SDHAF4: variants seen among roughly 807,000 people sequenced by gnomAD.
SDHAF4 encodes succinate dehydrogenase assembly factor 4, mitochondrial.
SDHAF4 carries 14 observed loss-of-function variants against 14.3 expected under a neutral mutation model. The ratio of observed to expected loss-of-function variants is 0.98; its 90% CI spans 0.65 to 1.53. The LOEUF is 1.53. Among genes scored for constraint, SDHAF4 ranks in the 40% most tolerant of loss-of-function variants. The pLI is 0.00. For synonymous variants in SDHAF4, 63 were observed against 47.3 expected, an observed-to-expected ratio of 1.33 and a Z score of -1.36; for missense variants, 141 against 129.3, an observed-to-expected ratio of 1.09 and a Z score of -0.44.
chr6:70,588,863 T>G lies in SDHAF4; in HGVS notation c.*139T>G. 4.2e-6 allele frequency: 1 copy of G among 235,824 alleles called. No individual in the cohort carries two copies. 14.6% of individuals were successfully genotyped at this position (235,824 alleles called of 1,614,324 possible). ...TTTAAATATATATATATATGATGGCTTTGGAAGAAAATATGCTGCTGTAAA... is the reference window on the plus strand; with the variant it reads ...TTTAAATATATATATATATGATGGCGTTGGAAGAAAATATGCTGCTGTAAA... On this transcript the variant is annotated 3_prime_UTR_variant, in exon 3 of 3. Coordinates refer to ENST00000370474, the MANE Select transcript of SDHAF4 (RefSeq NM_145267.3).
intron 1 of SDHAF4, among the ~76,000 whole-genome samples, chr6:70,578,380 GA>G (rs151250576): frequency 0.013 from 1,934 of 152,262 alleles, 32 homozygotes; most frequent in African/African-American, 0.044. Flanking sequence ...CTTCTTTTGA[GA>G]AGTGTCTCTT....
chr6:70,576,378 A>G (rs943004131), intron 1 of SDHAF4, among the ~76,000 whole-genome samples: 6 of 152,232 alleles, frequency 3.9e-5, no homozygotes, highest in African/African-American at 4.8e-5. Context: ...AAAGTCCTTC[A>G]GAAGTCTGCA....
chr6:70,573,777 C>T (rs1004824626), intron 1 of SDHAF4, among the ~76,000 whole-genome samples: 2 of 149,698 alleles, frequency 1.3e-5, no homozygotes, highest in East Asian at 4.1e-4. Context: ...CTGGTTCAAG[C>T]GATTGTCTTG....
chr6:70,586,704 A>G (rs913279048), intron 2 of SDHAF4, among the ~76,000 whole-genome samples: 1 of 152,196 alleles, frequency 6.6e-6, no homozygotes, highest in Non-Finnish European at 1.5e-5. Flanking sequence ...ACACAAAAAA[A>G]TTATACCATA....
intron 1 of SDHAF4, among the ~76,000 whole-genome samples, chr6:70,570,893 C>T (rs778267288): frequency 1.1e-4 from 16 of 151,476 alleles, no homozygotes; most frequent in African/African-American, 2.4e-4. Context: ...AAAAAATCTC[C>T]GTCTTATGTT....
intron 1 of SDHAF4, among the ~76,000 whole-genome samples, chr6:70,569,005 G>T (rs569205140): frequency 1.7e-5 from 2 of 116,152 alleles, no homozygotes; most frequent in Admixed American, 1.3e-4. Flanking sequence ...TCGCTCTGTC[G>T]CCCGGGCTGG....
intron 1 of SDHAF4, among the ~76,000 whole-genome samples, chr6:70,579,211 A>G (rs780368641): frequency 2.0e-5 from 3 of 152,240 alleles, no homozygotes; most frequent in Non-Finnish European, 4.4e-5. Flanking sequence ...TTTATTTCAT[A>G]GCCCTTCTTT....
At chr6:70,588,013 G>A (rs1765223371) in intron 2 of SDHAF4, among the ~76,000 whole-genome samples, 1 of 152,188 alleles carries the variant, frequency 6.6e-6, no homozygotes, top group East Asian at 1.9e-4. Flanking sequence ...AGAGAAGTAT[G>A]ATTGTTCTCT....
chr6:70,578,375 T>A (rs1802282018), intron 1 of SDHAF4, among the ~76,000 whole-genome samples: 1 of 152,098 alleles, frequency 6.6e-6, no homozygotes, highest in Non-Finnish European at 1.5e-5. Flanking sequence ...TATGTCTTCT[T>A]TTGAGAAGTG....
chr6:70,582,152 C>T (rs989467350), intron 2 of SDHAF4, among the ~76,000 whole-genome samples: 3 of 152,210 alleles, frequency 2.0e-5, no homozygotes, highest in African/African-American at 7.2e-5. Context: ...GCTCACTGCA[C>T]CCTCAACCTC....
chr6:70,594,104 G>C (rs753564539), downstream of SDHAF4, among the ~76,000 whole-genome samples: 1 of 152,182 alleles, frequency 6.6e-6, no homozygotes, highest in East Asian at 1.9e-4. Flanking sequence ...TGTATCCTAT[G>C]CCTGTCCTAC....
intron 1 of SDHAF4, among the ~76,000 whole-genome samples, chr6:70,578,418 G>A (rs1023229874): frequency 5.3e-5 from 8 of 151,956 alleles, no homozygotes; most frequent in Admixed American, 1.3e-4. Flanking sequence ...TTTTTAGTGC[G>A]GTTGTTGTTT....
At chr6:70,583,143 C>T (rs1166067596) in intron 2 of SDHAF4, among the ~76,000 whole-genome samples, 9 of 152,154 alleles carry the variant, frequency 5.9e-5, no homozygotes, top group Admixed American at 4.6e-4. Context: ...GTTGGAGTCT[C>T]GCTCTGTCAC....
rs895542729 is a variant in SDHAF4, at chr6:70,588,954, G to A, written c.*230G>A. On this transcript the variant is annotated 3_prime_UTR_variant, in exon 3 of 3. Transcript: ENST00000370474. ...CGCCTTTACTAAAAATACAAAATTA[G>A]CCAGGCGTGGTGGCATGCACCTGTA... 6 of 188,808 alleles carry A rather than the reference G, an allele frequency of 3.2e-5. No homozygotes were observed. The South Asian group carries it at 7.5e-4, about 24-fold the overall frequency. 11.7% of individuals were successfully genotyped at this position (188,808 alleles called of 1,614,324 possible).
At position 70,566,958 on chromosome 6, in the gene SDHAF4, T is replaced by A; in HGVS notation, c.18T>A (p.Leu6=). The A allele has an allele frequency of 1.3e-6, 2 of 1,591,268 alleles. No individual in the cohort carries two copies. Among genetic ancestry groups the A allele is most frequent in the Middle Eastern group, 1.7e-4 (1 of 5,994 alleles). ...TCGGCGCCATGACCCCATCGAGGCT[T>A]CCCTGGTTGCTTAGCTGGGTCTCGG... MTPSR[L]PWLLSWVSAT... Residue 6 remains leucine (L), a synonymous_variant, in exon 1 of 3, where the codon CTT becomes CTA. Transcript: ENST00000370474.
intron 1 of SDHAF4, among the ~76,000 whole-genome samples, chr6:70,569,755 T>A (rs1802156846): frequency 6.6e-6 from 1 of 152,202 alleles, no homozygotes; most frequent in South Asian, 2.1e-4. Flanking sequence ...ATCTATAAAA[T>A]TTTGTCTTGA....
chr6:70,595,114 C>A, the SDHAF4 span, among the ~76,000 whole-genome samples: 10 of 152,172 alleles, frequency 6.6e-5, no homozygotes, highest in East Asian at 1.9e-3. Context: ...AAAGTCAAGT[C>A]CAGTGTACAG....
chr6:70,570,055 G>A (rs1291555820), intron 1 of SDHAF4, among the ~76,000 whole-genome samples: 1 of 151,850 alleles, frequency 6.6e-6, no homozygotes, highest in Non-Finnish European at 1.5e-5. Context: ...ATACATATAG[G>A]CATACGTTTA....
downstream of SDHAF4, among the ~76,000 whole-genome samples, chr6:70,593,366 A>G (rs1765275772): frequency 6.6e-6 from 1 of 152,286 alleles, no homozygotes; most frequent in African/African-American, 2.4e-5. Context: ...ACCACTGCAG[A>G]GAACCCCTCT....
Sources: gnomAD v4.1 joint callset for allele counts (sites outside exome capture counted in the v4.1 genomes callset) on GRCh38, gnomAD v4.1.1 for gene constraint, MANE v1.5 for transcripts, NCBI Gene and HGNC (gene_info 2026-07-23, HGNC 2026-07-21) for gene names.